Variants in PRCC observed in about 807,000 individuals in gnomAD.
The protein encoded by PRCC is proline rich mitotic checkpoint control factor.
Under a neutral mutation model 44.0 loss-of-function variants are expected in PRCC, and 10 were observed. That is an observed-to-expected ratio of 0.23 (90% CI 0.14 to 0.39). The LOEUF (loss-of-function observed/expected upper bound fraction) is 0.39. PRCC is among the 10% of genes least tolerant of loss of function. The pLI, the probability that PRCC is intolerant of heterozygous loss-of-function variation, is 1.00. For synonymous variants in PRCC, 278 were observed against 259.5 expected (o/e 1.07, Z -0.69); for missense variants, 573 against 624.7 (o/e 0.92, Z 0.88).
At position 156,768,118 on chromosome 1, in the gene PRCC, G is replaced by A. The variant is rs1651482698; in HGVS notation, c.347G>A (p.Arg116Gln). The change falls in exon 1 of 7, where the codon CGA becomes CAA. Residue 116 changes from arginine (R) to glutamine (Q), a missense_variant. Arg to Gln is a conservative substitution (Grantham distance 43). Transcript: ENST00000271526. ...EGLGLGLPSP[R>Q]GPGLNLPPPI... ...CTGGGATTGGGGTTGCCCTCGCCCC[G>A]AGGCCCTGGCCTCAATCTGCCCCCT... 7.0e-6 allele frequency: 11 copies of A among 1,576,444 alleles called. No homozygotes were observed. The highest frequency in any genetic ancestry group is 9.5e-6 in the Non-Finnish European group (11 of 1,160,770).
intron 6 of PRCC, among the ~76,000 whole-genome samples, chr1:156,799,155 G>A (rs890549434): frequency 6.6e-6 from 1 of 152,050 alleles, no homozygotes; most frequent in African/African-American, 2.4e-5. Context: ...ATTTGTGTGT[G>A]TACATTTTGA....
rs75724071 is a variant in PRCC at position 156,786,111 on chromosome 1, G to A, written c.517-497G>A. On this transcript the variant is annotated intron_variant, in intron 2 of 6. Coordinates refer to ENST00000271526, the MANE Select transcript of PRCC (RefSeq NM_005973.5). ...AGGCGTGAGCCACCACTGCCCAGCC[G>A]GGAAGGGACTTTTGCAACAGTATGA... is the stretch of plus-strand genomic sequence containing the variant. 9.7e-4 allele frequency among the ~76,000 whole-genome samples: 147 copies of A among 152,192 alleles called. 3 individuals are homozygous for A. In the East Asian group the frequency reaches 0.019, roughly 19 times the overall value.
intron 1 of PRCC, 46 bp from the exon 2 acceptor site, chr1:156,782,236 A>G (rs1412588878): frequency 1.3e-6 from 2 of 1,516,464 alleles, no homozygotes; most frequent in African/African-American, 2.8e-5. Flanking sequence ...TGTTTCCTTT[A>G]CTGTCCTAAA....
chr1:156,778,916 T>G lies in PRCC; in HGVS notation c.469-3366T>G, dbSNP rs1161319053. 2.7e-5 allele frequency among the ~76,000 whole-genome samples: 4 copies of G among 149,978 alleles called. No individual in the cohort carries two copies. In the East Asian group the frequency reaches 8.0e-4, roughly 30 times the overall value. On this transcript the variant is annotated intron_variant, in intron 1 of 6. Transcript: ENST00000271526. ...CTGGGTTCAAGCGATTCTCCTACCTTAGCCTCCCGAGTAGCTGGGATTATA... is the reference window on the plus strand; with the variant it reads ...CTGGGTTCAAGCGATTCTCCTACCTGAGCCTCCCGAGTAGCTGGGATTATA...
Position 156,786,757 on chromosome 1 carries a change from T to G in PRCC, c.666T>G (p.Ser222=). Residue 222 remains serine (S), a synonymous_variant, in exon 3 of 7, where the codon TCT becomes TCG. Transcript: ENST00000271526. ...ATACTAAGCCCTCCAGACTGGCTTC[T>G]AAGACCAAGACTTCCTCTCTTGCCC... ...SPDTKPSRLA[S]KTKTSSLAPV... 1 of 1,614,206 alleles carries G rather than the reference T, an allele frequency of 6.2e-7. No homozygotes were observed. The highest frequency in any genetic ancestry group is 1.1e-5 in the South Asian group (1 of 91,084).
At chr1:156,776,091 C>T (rs1381771241) in intron 1 of PRCC, among the ~76,000 whole-genome samples, 1 of 152,236 alleles carries the variant, frequency 6.6e-6, no homozygotes, top group Non-Finnish European at 1.5e-5. Flanking sequence ...TGCAGTGGCT[C>T]ATGCCTGCAA....
At chr1:156,793,905 A>G (rs1045488180) in intron 4 of PRCC, among the ~76,000 whole-genome samples, 3 of 147,912 alleles carry the variant, frequency 2.0e-5, no homozygotes, top group Non-Finnish European at 4.5e-5. Context: ...GGTATTATAG[A>G]TGTGAGTCAC....
intron 1 of PRCC, among the ~76,000 whole-genome samples, chr1:156,778,749 ATTTTTGTAT>A (rs1651920957): frequency 6.7e-6 from 1 of 149,952 alleles, no homozygotes; most frequent in Non-Finnish European, 1.5e-5. Context: ...CACTCAGCTA[ATTTTTGTAT>A]TTTTTGTGGA....
At chr1:156,790,016 C>G (rs1206458719) in intron 3 of PRCC, among the ~76,000 whole-genome samples, 2 of 152,190 alleles carry the variant, frequency 1.3e-5, no homozygotes, top group African/African-American at 4.8e-5. Flanking sequence ...GTTGGGGGAC[C>G]TGGCACCAGT....
chr1:156,767,948 G>A lies in PRCC; in HGVS notation c.177G>A (p.Ala59=). ...ALLPPPPQML[A]PAFPPPLLLP... ...TGCCTCCGCCCCCTCAGATGCTGGC[G>A]CCAGCCTTTCCCCCGCCGCTGTTGC... Residue 59 remains alanine (A), a synonymous_variant, in exon 1 of 7, where the codon GCG becomes GCA. Transcript: ENST00000271526. 6.3e-7 allele frequency: 1 copy of A among 1,584,896 alleles called. No homozygotes were observed. Among genetic ancestry groups the A allele is most frequent in the Admixed American group, 1.8e-5 (1 of 56,210 alleles).
Position 156,794,819 on chromosome 1 carries a change from A to T in PRCC, c.1323+11A>T. On this transcript the variant is annotated intron_variant, in intron 5 of 6. Coordinates refer to ENST00000271526, the MANE Select transcript of PRCC (RefSeq NM_005973.5). ...AAGTCATTCAGCAAAGTAAGTGGGA[A>T]ACGTCTATTGAGTGGTCAGCTTGGG... The T allele has an allele frequency of 6.2e-7, 1 of 1,614,144 alleles. No homozygotes were observed. The highest frequency in any genetic ancestry group is 1.1e-5 in the South Asian group (1 of 91,074).
intron 4 of PRCC, 58 bp from the exon 5 acceptor site, chr1:156,794,607 T>G: frequency 6.3e-7 from 1 of 1,588,680 alleles, no homozygotes; most frequent in African/African-American, 1.4e-5. Flanking sequence ...GGCTCTTTAG[T>G]GGCATCTGCT....
At chr1:156,776,117 A>G (rs1651819344) in intron 1 of PRCC, among the ~76,000 whole-genome samples, 1 of 152,200 alleles carries the variant, frequency 6.6e-6, no homozygotes, top group African/African-American at 2.4e-5. Flanking sequence ...ACACTTTGGG[A>G]GGCCAAGGCA....
chr1:156,794,934 C>A, intron 5 of PRCC, 126 bp downstream of exon 5: 1 of 1,274,900 alleles, frequency 7.8e-7, no homozygotes, highest in Non-Finnish European at 1.1e-6. Context: ...CACATTTTGC[C>A]CATGGTACTG....
intron 1 of PRCC, among the ~76,000 whole-genome samples, chr1:156,775,100 T>C (rs531024852): frequency 2.9e-4 from 44 of 151,908 alleles, no homozygotes; most frequent in Middle Eastern, 6.8e-3. Context: ...TACAAAAAAT[T>C]AGCCAAGCGT....
intron 3 of PRCC, among the ~76,000 whole-genome samples, chr1:156,787,449 TGATATATATATATA>T (rs1652299961): frequency 1.7e-5 from 1 of 59,942 alleles, no homozygotes; most frequent in African/African-American, 5.1e-5. Flanking sequence ...TATTTGTGAT[TGATATATATATATA>T]TATATATATA....
At position 156,800,756 on chromosome 1, in the gene PRCC, A is replaced by C. The variant is rs1062815; in HGVS notation, c.*296A>C. On this transcript the variant is annotated 3_prime_UTR_variant, in exon 7 of 7. Coordinates refer to ENST00000271526, the MANE Select transcript of PRCC (RefSeq NM_005973.5). ...GATAAAATGTTGAACCCTCCCCACCACCACTTTTTTTTTTTTAAACCAGGG... is the reference window on the plus strand; with the variant it reads ...GATAAAATGTTGAACCCTCCCCACCCCCACTTTTTTTTTTTTAAACCAGGG... 3.2e-6 allele frequency: 1 copy of C among 311,700 alleles called. No homozygotes were observed. The highest frequency in any genetic ancestry group is 4.5e-5 in the Admixed American group (1 of 22,016). 19.3% of individuals were successfully genotyped at this position (311,700 alleles called of 1,614,324 possible). A position where few individuals can be genotyped will look rare whatever the true frequency, so the allele number is the denominator to read the frequency against.
chr1:156,792,361 C>T (rs1205465695), intron 4 of PRCC, among the ~76,000 whole-genome samples: 2 of 152,026 alleles, frequency 1.3e-5, no homozygotes, highest in African/African-American at 4.8e-5. Context: ...AGGAGACTTC[C>T]TGAAAGTTCC....
intron 1 of PRCC, 101 bp downstream of exon 1, chr1:156,768,340 C>T (rs1571568074): frequency 8.8e-6 from 11 of 1,251,930 alleles, no homozygotes; most frequent in South Asian, 2.6e-5. Flanking sequence ...CAAACGCATC[C>T]GTGGATTCAA....
Sources: allele counts gnomAD v4.1 joint callset (sites outside exome capture counted in the v4.1 genomes callset), GRCh38; gene constraint gnomAD v4.1.1; transcripts MANE v1.5; gene names NCBI Gene and HGNC (gene_info 2026-07-23, HGNC 2026-07-21).